The following GALNT14 variants were observed in gnomAD, a reference collection of about 807,000 sequenced individuals.
The protein encoded by GALNT14 is polypeptide N-acetylgalactosaminyltransferase 14.
GALNT14 carries 60 observed loss-of-function variants against 77.5 expected under a neutral mutation model. That is an observed-to-expected ratio of 0.77 (90% CI 0.63 to 0.96). The LOEUF is 0.96. Ranked by LOEUF, GALNT14 falls within the 40% of genes least tolerant of loss-of-function variation. The pLI, the probability that GALNT14 is intolerant of heterozygous loss-of-function variation, is 0.00. For synonymous variants in GALNT14, 280 were observed against 281.7 expected, an observed-to-expected ratio of 0.99 and a Z score of 0.06; for missense variants, 710 against 731.0, an observed-to-expected ratio of 0.97 and a Z score of 0.33.
At chr2:31,123,871 G>A (rs1266295376) in intron 1 of GALNT14, among the ~76,000 whole-genome samples, 2 of 152,142 alleles carry the variant, frequency 1.3e-5, no homozygotes, top group African/African-American at 4.8e-5. Context: ...AGAAAAGACA[G>A]CTATCCATTT....
intron 1 of GALNT14, among the ~76,000 whole-genome samples, chr2:31,061,211 C>G (rs922643001): frequency 6.6e-6 from 1 of 152,124 alleles, no homozygotes; most frequent in African/African-American, 2.4e-5. Flanking sequence ...CCTCCCATAA[C>G]CAAGGTGCTC....
intron 6 of GALNT14, among the ~76,000 whole-genome samples, chr2:30,946,109 G>T (rs945330928): frequency 6.6e-6 from 1 of 152,178 alleles, no homozygotes; most frequent in Non-Finnish European, 1.5e-5. Flanking sequence ...CCTCCCTGCC[G>T]CAGTGGCCAT....
intron 1 of GALNT14, among the ~76,000 whole-genome samples, chr2:30,998,057 T>A (rs1670149187): frequency 6.6e-6 from 1 of 152,190 alleles, no homozygotes; most frequent in African/African-American, 2.4e-5. Context: ...TTAAGTGATT[T>A]GTGACAACAT....
At chr2:31,125,352 T>C in intron 1 of GALNT14, 2 of 872,264 alleles carry the variant, frequency 2.3e-6, no homozygotes, top group South Asian at 1.5e-5. Context: ...AAAGACTCTG[T>C]GCCCATAGGA....
At chr2:30,937,265 A>G (rs1666110438) in intron 9 of GALNT14, among the ~76,000 whole-genome samples, 1 of 152,222 alleles carries the variant, frequency 6.6e-6, no homozygotes, top group Non-Finnish European at 1.5e-5. Flanking sequence ...GAGAACAGGC[A>G]CTTTCATTAT....
Position 31,043,275 on chromosome 2 carries a change from C to G in GALNT14, c.130-50268G>C, listed in dbSNP as rs568782416. On this transcript the variant is annotated intron_variant, in intron 1 of 14. Coordinates refer to ENST00000349752, the MANE Select transcript of GALNT14 (RefSeq NM_024572.4). ...GCCTGCTCCTGCCTCAGTATTCCCC[C>G]AGTCCATGCTCTTTTTCTTTCTTAC... Among the ~76,000 whole-genome samples the G allele has an allele frequency of 1.0e-3, 155 of 152,340 alleles. 1 individual carries two copies. Among genetic ancestry groups the G allele is most frequent in the African/African-American group, 3.5e-3 (144 of 41,582 alleles).
intron 1 of GALNT14, chr2:31,079,192 T>A: frequency 3.9e-6 from 2 of 515,808 alleles, no homozygotes; most frequent in Non-Finnish European, 5.8e-6. Flanking sequence ...GGAAGTTGGC[T>A]GGACAAGAAG....
At chr2:31,030,232 T>C (rs1672324589) in intron 1 of GALNT14, among the ~76,000 whole-genome samples, 1 of 152,068 alleles carries the variant, frequency 6.6e-6, no homozygotes, top group Non-Finnish European at 1.5e-5. Flanking sequence ...TGGGGACTGG[T>C]GCCATTCTTA....
chr2:30,891,861 T>C, the GALNT14 span, among the ~76,000 whole-genome samples: 2 of 152,192 alleles, frequency 1.3e-5, no homozygotes, highest in Non-Finnish European at 2.9e-5. Flanking sequence ...TTATTTGTTC[T>C]CTTCCACAAA....
intron 1 of GALNT14, among the ~76,000 whole-genome samples, chr2:31,064,682 C>T (rs1268616968): frequency 6.6e-6 from 1 of 152,022 alleles, no homozygotes; most frequent in Non-Finnish European, 1.5e-5. Flanking sequence ...TGGATCTCGC[C>T]AGACACAAGT....
chr2:31,015,128 A>G (rs1375975654), intron 1 of GALNT14, among the ~76,000 whole-genome samples: 1 of 151,962 alleles, frequency 6.6e-6, no homozygotes, highest in Non-Finnish European at 1.5e-5. Flanking sequence ...CATCTCTACT[A>G]AAAATACAAA....
chr2:31,073,756 C>T (rs1675578161), intron 1 of GALNT14, among the ~76,000 whole-genome samples: 1 of 152,140 alleles, frequency 6.6e-6, no homozygotes, highest in African/African-American at 2.4e-5. Context: ...TGGCAAACAG[C>T]CACTGGAGGG....
intron 1 of GALNT14, among the ~76,000 whole-genome samples, chr2:31,101,077 C>T (rs981023171): frequency 1.3e-5 from 2 of 151,980 alleles, no homozygotes; most frequent in Non-Finnish European, 2.9e-5. Flanking sequence ...CATCATGAGT[C>T]AGGGACCACC....
chr2:31,130,976 G>C (rs983068026), intron 1 of GALNT14, among the ~76,000 whole-genome samples: 12 of 152,054 alleles, frequency 7.9e-5, no homozygotes, highest in Non-Finnish European at 7.4e-5. Context: ...ATTATTTATA[G>C]CCATAAGGTC....
In GALNT14 at chr2:30,988,246, G is replaced by T. The variant is rs1317406158; in HGVS notation, c.299+4592C>A. The stretch of plus-strand genomic sequence containing the variant: ...CTCAACATGTTACTCACCCCAGAGG[G>T]CAACTGATATCAGTAGGACCTTAGC... On this transcript the variant is annotated intron_variant, in intron 2 of 14. Transcript: ENST00000349752. Among the ~76,000 whole-genome samples, 11 of 152,328 alleles carry T rather than the reference G, an allele frequency of 7.2e-5. No individual in the cohort carries two copies. The East Asian group carries it at 1.9e-3, about 27-fold the overall frequency.
intron 1 of GALNT14, among the ~76,000 whole-genome samples, chr2:31,086,129 G>A (rs1342288319): frequency 2.6e-5 from 4 of 152,186 alleles, no homozygotes; most frequent in Admixed American, 2.0e-4. Flanking sequence ...ACAAAGCCAA[G>A]CCATATCATT....
intron 13 of GALNT14, among the ~76,000 whole-genome samples, chr2:30,921,294 A>T (rs967820628): frequency 1.3e-5 from 2 of 152,112 alleles, no homozygotes; most frequent in African/African-American, 4.8e-5. Flanking sequence ...TGCCCCAGGG[A>T]AAGGGGGAAG....
the GALNT14 span, among the ~76,000 whole-genome samples, chr2:30,904,235 C>T: frequency 6.6e-6 from 1 of 152,204 alleles, no homozygotes; most frequent in African/African-American, 2.4e-5. Flanking sequence ...GAACAGCTCC[C>T]GTCTACAGCT....
At chr2:30,911,935 G>C (rs75298284) in intron 14 of GALNT14, among the ~76,000 whole-genome samples, 1 of 152,170 alleles carries the variant, frequency 6.6e-6, no homozygotes, top group Non-Finnish European at 1.5e-5. Context: ...GGGATCCCAC[G>C]TGGGGAACAG....
Sources: allele counts gnomAD v4.1 joint callset (sites outside exome capture counted in the v4.1 genomes callset), GRCh38; gene constraint gnomAD v4.1.1; transcripts MANE v1.5; gene names NCBI Gene and HGNC (gene_info 2026-07-23, HGNC 2026-07-21).